LEO1: variants seen among roughly 807,000 people sequenced by gnomAD.
The protein encoded by LEO1 is LEO1 component of Paf1/RNA polymerase II complex, also known as RNA polymerase-associated protein LEO1.
Under a neutral mutation model 80.4 loss-of-function variants are expected in LEO1, and 34 were observed. The observed-to-expected ratio is 0.42, with a 90% confidence interval of 0.32 to 0.56. LEO1 has a LOEUF of 0.56. Ranked by LOEUF, LEO1 falls within the 20% of genes least tolerant of loss-of-function variation. The pLI is 0.10. For missense variants in LEO1, 631 were observed against 814.2 expected (o/e 0.77, Z 2.74); for synonymous variants, 262 against 274.9 (o/e 0.95, Z 0.46).
chr15:51,940,116 G>A (rs919155001), intron 11 of LEO1, among the ~76,000 whole-genome samples: 23 of 151,764 alleles, frequency 1.5e-4, no homozygotes, highest in Non-Finnish European at 2.4e-4. Flanking sequence ...TTAGCCAGGC[G>A]TGGTGGCGCA....
In LEO1 at chr15:51,958,786, C is replaced by T; in HGVS notation, c.1201G>A (p.Glu401Lys). 1 of 1,598,948 alleles carries T rather than the reference C, an allele frequency of 6.3e-7. No homozygotes were observed. Among genetic ancestry groups the T allele is most frequent in the Non-Finnish European group, 8.5e-7 (1 of 1,171,506 alleles). ...PQYYEDEFED[E>K]EMLDEEGRTR... ...CTACCTTCTTCATCCAGCATTTCTT[C>T]ATCTTCAAATTCATCTTCATAATAC... The change falls in exon 6 of 12, where the codon GAA becomes AAA. Residue 401 changes from glutamate (E) to lysine (K), a missense_variant. Physicochemically the swap from Glu to Lys is moderately conservative, Grantham distance 56 (BLOSUM62 1). Around this residue, in one of 4 missense-constraint regions of LEO1, gnomAD observed 95 missense variants for 171.7 expected, o/e 0.55. Coordinates refer to ENST00000299601, the MANE Select transcript of LEO1 (RefSeq NM_138792.4).
chr15:51,938,819 AT>A (rs1474377045), intron 11 of LEO1, among the ~76,000 whole-genome samples: 1 of 152,022 alleles, frequency 6.6e-6, no homozygotes, highest in Non-Finnish European at 1.5e-5. Context: ...CCTAAAAAAC[AT>A]TTTTTACAGA....
At chr15:51,951,511 C>G (rs1301144474) in intron 9 of LEO1, among the ~76,000 whole-genome samples, 4 of 152,222 alleles carry the variant, frequency 2.6e-5, no homozygotes, top group Non-Finnish European at 5.9e-5. Flanking sequence ...TCTCTAGTAT[C>G]TCCACTGACT....
At chr15:51,938,458 T>G (rs1566877375) in intron 11 of LEO1, among the ~76,000 whole-genome samples, 198 bp from the exon 12 acceptor site, 1 of 152,214 alleles carries the variant, frequency 6.6e-6, no homozygotes, top group African/African-American at 2.4e-5. Flanking sequence ...GAGTAGGATG[T>G]GCAGGAAACT....
intron 11 of LEO1, among the ~76,000 whole-genome samples, chr15:51,940,168 T>G (rs2056836754): frequency 7.1e-6 from 1 of 141,230 alleles, no homozygotes; most frequent in African/African-American, 2.7e-5. Context: ...GGCAGGAGAA[T>G]CACTTGAACC....
At chr15:51,948,827 A>G (rs1221072642) in intron 10 of LEO1, among the ~76,000 whole-genome samples, 3 of 152,318 alleles carry the variant, frequency 2.0e-5, no homozygotes, top group South Asian at 2.1e-4. Flanking sequence ...GCTTTTCACC[A>G]TGTCGTCTTG....
At position 51,966,323 on chromosome 15, in the gene LEO1, G is replaced by A. The variant is rs756701049; in HGVS notation, c.240C>T (p.His80=). 2 of 1,614,170 alleles carry A rather than the reference G, an allele frequency of 1.2e-6. No homozygotes were observed. Among genetic ancestry groups the A allele is most frequent in the South Asian group, 1.1e-5 (1 of 91,088 alleles). ...CTGATCTATTGTCTGATCTTTCAGA[G>A]TGATTATCACTACCACTATGATGTG... is the stretch of plus-strand genomic sequence containing the variant. ...GASHHSGSDN[H]SERSDNRSEA... The change falls in exon 2 of 12, where the codon CAC becomes CAT. Residue 80 remains histidine (H), a synonymous_variant. Coordinates refer to ENST00000299601, the MANE Select transcript of LEO1 (RefSeq NM_138792.4).
rs966616754 is a variant in LEO1, at chr15:51,956,993, A to AT, written c.1245+1748dup. ...GGGCATGCGCCATCTCTGCTGGCTA[A>AT]TTTTTTTTTATTTTTAGTAGAGACA... On this transcript the variant is annotated intron_variant, in intron 6 of 11. Coordinates refer to ENST00000299601, the MANE Select transcript of LEO1 (RefSeq NM_138792.4). 4.6e-4 allele frequency among the ~76,000 whole-genome samples: 70 copies of AT among 151,400 alleles called. No individual in the cohort carries two copies. In the East Asian group the frequency reaches 6.0e-3, roughly 13 times the overall value.
chr15:51,964,002 C>A (rs553417534), intron 2 of LEO1, among the ~76,000 whole-genome samples: 1 of 151,418 alleles, frequency 6.6e-6, no homozygotes, highest in African/African-American at 2.4e-5. Context: ...GTCAGGAGAT[C>A]GAGACCATCC....
rs2057039372 is a variant in LEO1, at chr15:51,962,509, T to G, written c.815-16A>C. ...CTTGCAGATTCTATAAGGGTAGAAT[T>G]AGAAGTTCTGCATAATCAGTCGCAT... On this transcript the variant is annotated splice_polypyrimidine_tract_variant and intron_variant, in intron 2 of 11. Coordinates refer to ENST00000299601, the MANE Select transcript of LEO1 (RefSeq NM_138792.4). 5.2e-6 allele frequency: 8 copies of G among 1,547,544 alleles called. No homozygotes were observed. The highest frequency in any genetic ancestry group is 2.2e-5 in the East Asian group (1 of 44,552).
chr15:51,965,613 A>C, intron 2 of LEO1, 136 bp downstream of exon 2: 3 of 1,174,804 alleles, frequency 2.6e-6, no homozygotes, highest in African/African-American at 1.5e-5. Flanking sequence ...AATGTATTCT[A>C]GAGTTAGAAA....
chr15:51,938,368 C>T lies in LEO1; in HGVS notation c.1897-108G>A, dbSNP rs74977204. On this transcript the variant is annotated intron_variant, in intron 11 of 11. Coordinates refer to ENST00000299601, the MANE Select transcript of LEO1 (RefSeq NM_138792.4). ...ATGACCCTCTGACAACTCAAAGTAA[C>T]GGTTCCTGCAGGTTGTGAGGGAGAT... is the stretch of plus-strand genomic sequence containing the variant. The T allele has an allele frequency of 4.9e-3, 3,176 of 647,436 alleles. 11 individuals are homozygous for T. Among genetic ancestry groups the T allele is most frequent in the Non-Finnish European group, 6.2e-3 (2,294 of 372,202 alleles). The allele number at this position is 647,436 out of a possible 1,614,324, so 40.1% of individuals were successfully genotyped here.
intron 3 of LEO1, 37 bp from the exon 4 acceptor site, chr15:51,960,770 T>C: frequency 8.3e-7 from 1 of 1,206,602 alleles, no homozygotes; most frequent in Non-Finnish European, 1.2e-6. Context: ...AGTGTTACTA[T>C]CTGTAACTAA....
chr15:51,971,712 C>T lies in LEO1; in HGVS notation c.34G>A (p.Ala12Thr). Reference sequence around the variant, plus strand: ...CCTTTACGCTCAGCTTCGCTGTCGGCGTCGCTCCCGAAGAGATCCTCCATA... The same window carrying T: ...CCTTTACGCTCAGCTTCGCTGTCGGTGTCGCTCCCGAAGAGATCCTCCATA... ...ADMEDLFGSD[A>T]DSEAERKDSD... The change falls in exon 1 of 12, where the codon GCC becomes ACC. Residue 12 changes from alanine (A) to threonine (T), a missense_variant. Ala to Thr is a moderately conservative substitution (Grantham distance 58). This residue lies in a region of LEO1 where 394 missense variants were observed against 395.6 expected (regional missense o/e 1.00). Transcript: ENST00000299601. 1 of 1,614,146 alleles carries T rather than the reference C, an allele frequency of 6.2e-7. No homozygotes were observed. The highest frequency in any genetic ancestry group is 1.1e-5 in the South Asian group (1 of 91,086).
intron 1 of LEO1, among the ~76,000 whole-genome samples, chr15:51,970,099 C>T (rs2141787734): frequency 6.6e-6 from 1 of 152,220 alleles, no homozygotes; most frequent in African/African-American, 2.4e-5. Flanking sequence ...TATGACTCTG[C>T]ACTCCTACAT....
chr15:51,958,852 A>G lies in LEO1; in HGVS notation c.1161-26T>C, dbSNP rs756504592. The G allele has an allele frequency of 4.0e-6, 5 of 1,239,608 alleles. No individual in the cohort carries two copies. In the Admixed American group the frequency reaches 1.1e-4, roughly 26 times the overall value. 76.8% of individuals were successfully genotyped at this position (1,239,608 alleles called of 1,614,324 possible). The stretch of plus-strand genomic sequence containing the variant: ...CTACAAATTGTTTTCCAAATAAACT[A>G]TTAATCATATTTTATAAAGAATATT... On this transcript the variant is annotated intron_variant, in intron 5 of 11. Coordinates refer to ENST00000299601, the MANE Select transcript of LEO1 (RefSeq NM_138792.4).
chr15:51,966,267 T>C lies in LEO1; in HGVS notation c.296A>G (p.Asn99Ser), dbSNP rs760776537. ...EASERSDHED[N>S]DPSDVDQHSG... is the part of the protein sequence containing the mutation. ...GTGCTGATCTACATCTGAGGGGTCA[T>C]TGTCCTCATGGTCAGAACGCTCAGA... is the stretch of plus-strand genomic sequence containing the variant. The change falls in exon 2 of 12, where the codon AAT becomes AGT. Residue 99 changes from asparagine (N) to serine (S), a missense_variant. This residue lies in a region of LEO1 where 394 missense variants were observed against 395.6 expected (regional missense o/e 1.00). Coordinates refer to ENST00000299601, the MANE Select transcript of LEO1 (RefSeq NM_138792.4). 3.1e-6 allele frequency: 5 copies of C among 1,614,086 alleles called. No homozygotes were observed. The highest frequency in any genetic ancestry group is 1.6e-4 in the Middle Eastern group (1 of 6,062).
rs1474222096 is a variant in LEO1 at position 51,966,510 on chromosome 15, G to A, written c.59-6C>T. On this transcript the variant is annotated splice_region_variant and splice_polypyrimidine_tract_variant and intron_variant, in intron 1 of 11. Coordinates refer to ENST00000299601, the MANE Select transcript of LEO1 (RefSeq NM_138792.4). Reference sequence around the variant, plus strand: ...GTCAGATCCAGAATCAGAATCTATGGGGTCATATAAACATAGGATAACATA... The same window carrying A: ...GTCAGATCCAGAATCAGAATCTATGAGGTCATATAAACATAGGATAACATA... 12 of 1,511,300 alleles carry A rather than the reference G, an allele frequency of 7.9e-6. No homozygotes were observed. In the Admixed American group the frequency reaches 2.1e-4, roughly 26 times the overall value. 93.6% of individuals were successfully genotyped at this position (1,511,300 alleles called of 1,614,324 possible).
At chr15:51,959,165 G>A (rs1487601000) in intron 5 of LEO1, among the ~76,000 whole-genome samples, 5 of 151,976 alleles carry the variant, frequency 3.3e-5, no homozygotes, top group Admixed American at 1.3e-4. Context: ...ACCATGCCTG[G>A]CTAATTTTGT....
Sources: allele counts gnomAD v4.1 joint callset (sites outside exome capture counted in the v4.1 genomes callset), GRCh38; gene constraint gnomAD v4.1.1; regional missense constraint gnomAD v4.1.1; transcripts MANE v1.5; gene names NCBI Gene and HGNC (gene_info 2026-07-23, HGNC 2026-07-21).